Variants in INSYN2A observed in about 807,000 individuals in gnomAD.
INSYN2A encodes family with sequence similarity 196 member A.
INSYN2A carries 17 observed loss-of-function variants against 39.4 expected under a neutral mutation model. The ratio of observed to expected loss-of-function variants is 0.43; its 90% CI spans 0.30 to 0.65. The LOEUF (loss-of-function observed/expected upper bound fraction) is 0.65. INSYN2A is among the 30% of genes least tolerant of loss of function. The pLI, the probability that INSYN2A is intolerant of heterozygous loss-of-function variation, is 0.14. For synonymous variants in INSYN2A, 255 were observed against 265.7 expected (o/e 0.96, Z 0.39); for missense variants, 595 against 631.2 (o/e 0.94, Z 0.61).
chr10:127,153,755 A>G (rs2052742947), intron 5 of INSYN2A, 97 bp downstream of exon 5: 1 of 942,110 alleles, frequency 1.1e-6, no homozygotes, highest in Non-Finnish European at 1.7e-6. Context: ...GTCTGATAGA[A>G]TCATCCCAGC....
rs1352414371 is a variant in INSYN2A at position 127,177,154 on chromosome 10, TAAAAG to T, written c.-268-20_-268-16del. 6.6e-6 allele frequency: 1 copy of T among 151,332 alleles called. No homozygotes were observed. Among genetic ancestry groups the T allele is most frequent in the Non-Finnish European group, 1.5e-5 (1 of 67,818 alleles). The allele number at this position is 151,332 out of a possible 1,614,324, so 9.4% of individuals were successfully genotyped here. A position where few individuals can be genotyped will look rare whatever the true frequency, so the allele number is the denominator to read the frequency against. On this transcript the variant is annotated splice_polypyrimidine_tract_variant and intron_variant, in intron 2 of 5. Transcript: ENST00000522781. ...GGAAAATAATTCTTAAAAAAAAAAA[TAAAAG>T]AAATTACTCATTCTAGAATCAAGTT...
intron 4 of INSYN2A, among the ~76,000 whole-genome samples, chr10:127,169,674 G>A (rs906832949): frequency 1.3e-5 from 2 of 152,158 alleles, no homozygotes; most frequent in Non-Finnish European, 2.9e-5. Context: ...AAGACTGGCT[G>A]TCAATATGTA....
At chr10:127,144,818 A>G (rs2051638686) in intron 5 of INSYN2A, among the ~76,000 whole-genome samples, 1 of 152,180 alleles carries the variant, frequency 6.6e-6, no homozygotes, top group African/African-American at 2.4e-5. Flanking sequence ...TAGGTGCATT[A>G]ATCAATGTTT....
rs1467857887 is a variant in INSYN2A at position 127,175,619 on chromosome 10, A to G, written c.777T>C (p.Pro259=). 6.2e-7 allele frequency: 1 copy of G among 1,613,094 alleles called. No homozygotes were observed. The highest frequency in any genetic ancestry group is 8.5e-7 in the Non-Finnish European group (1 of 1,179,932). ...GCTCGGGGGCCCTGGCACTGAGGGCAGGTGCGTAAACGGTGGCAACCTCCG... is the reference window on the plus strand; with the variant it reads ...GCTCGGGGGCCCTGGCACTGAGGGCGGGTGCGTAAACGGTGGCAACCTCCG... ...FKTEVATVYA[P]ALSARAPEPG... Residue 259 remains proline (P), a synonymous_variant, in exon 4 of 6, where the codon CCT becomes CCC. Coordinates refer to ENST00000522781, the MANE Select transcript of INSYN2A (RefSeq NM_001039762.3). This position sits in a 1 kb window ranked among gnomAD's most constrained non-coding sequence, Gnocchi z 6.3.
chr10:127,161,845 A>G (rs936971964), intron 4 of INSYN2A, among the ~76,000 whole-genome samples: 5 of 152,240 alleles, frequency 3.3e-5, no homozygotes, highest in Non-Finnish European at 5.9e-5. Context: ...GGAATGATGA[A>G]TGAAGGAACA....
chr10:127,180,854 GA>G (rs1161281303), intron 2 of INSYN2A, among the ~76,000 whole-genome samples: 1 of 152,138 alleles, frequency 6.6e-6, no homozygotes, highest in Non-Finnish European at 1.5e-5. Context: ...GATTATACTG[GA>G]AAAAAATGAA....
chr10:127,154,862 G>T (rs2052884711), intron 4 of INSYN2A, among the ~76,000 whole-genome samples: 1 of 152,172 alleles, frequency 6.6e-6, no homozygotes, highest in Non-Finnish European at 1.5e-5. Context: ...TCTGGACCAG[G>T]CTGGAGTTGC....
rs765423722 is a variant in INSYN2A, at chr10:127,176,420, CA to C, written c.-5-21del. ...TGGTTCCTGCATTCAGAAACAGCAA[CA>C]GAGGTGTCAGTGGGACAGAAATACA... On this transcript the variant is annotated intron_variant, in intron 3 of 5. Transcript: ENST00000522781. The surrounding 1 kb of genome is among the most constrained non-coding windows in gnomAD (Gnocchi z 4.4). The C allele has an allele frequency of 2.6e-6, 4 of 1,568,498 alleles. No homozygotes were observed. Among genetic ancestry groups the C allele is most frequent in the Non-Finnish European group, 3.5e-6 (4 of 1,156,962 alleles).
At chr10:127,143,968 C>T (rs1183598075) in intron 5 of INSYN2A, among the ~76,000 whole-genome samples, 2 of 152,188 alleles carry the variant, frequency 1.3e-5, no homozygotes, top group Non-Finnish European at 2.9e-5. Flanking sequence ...AGCCCCCATT[C>T]ATCTCCCTGG....
rs1262089934 is a variant in INSYN2A at position 127,136,912 on chromosome 10, G to A, written c.*925C>T. 1.3e-5 allele frequency: 2 copies of A among 152,576 alleles called. No homozygotes were observed. The highest frequency in any genetic ancestry group is 6.5e-5 in the Admixed American group (1 of 15,272). 9.5% of individuals were successfully genotyped at this position (152,576 alleles called of 1,614,324 possible). ...ATGGCTAACAGTGTCTCGGAGGATC[G>A]ATCCACAAAAACACTGTCTGCCATG... On this transcript the variant is annotated 3_prime_UTR_variant, in exon 6 of 6. Coordinates refer to ENST00000522781, the MANE Select transcript of INSYN2A (RefSeq NM_001039762.3).
chr10:127,190,411 C>T (rs1001888472), intron 2 of INSYN2A, among the ~76,000 whole-genome samples: 5 of 152,124 alleles, frequency 3.3e-5, no homozygotes, highest in Admixed American at 6.6e-5. Context: ...ATCAGGATTC[C>T]CTGAGTTGGT....
chr10:127,182,669 T>G (rs1458189550), intron 2 of INSYN2A, among the ~76,000 whole-genome samples: 1 of 152,208 alleles, frequency 6.6e-6, no homozygotes, highest in Admixed American at 6.5e-5. Context: ...TTGCAGCAGT[T>G]AGCTATGCCA....
At chr10:127,195,267 C>G (rs905259341) in intron 1 of INSYN2A, among the ~76,000 whole-genome samples, 6 of 152,174 alleles carry the variant, frequency 3.9e-5, no homozygotes, top group Non-Finnish European at 8.8e-5. Context: ...CGCGGGCTCC[C>G]TCCTCCCTCC....
intron 5 of INSYN2A, among the ~76,000 whole-genome samples, chr10:127,143,910 C>A (rs1252815438): frequency 6.6e-6 from 1 of 152,144 alleles, no homozygotes; most frequent in Non-Finnish European, 1.5e-5. Context: ...TGTCCAGAAC[C>A]AGATCTTTCC....
chr10:127,195,494 C>A (rs2057049995), intron 1 of INSYN2A, among the ~76,000 whole-genome samples: 1 of 152,130 alleles, frequency 6.6e-6, no homozygotes, highest in Non-Finnish European at 1.5e-5. Context: ...CCTCAACGGC[C>A]GGCGTCAGGG....
At chr10:127,195,527 C>G (rs1017386255) in intron 1 of INSYN2A, among the ~76,000 whole-genome samples, 1 of 151,992 alleles carries the variant, frequency 6.6e-6, no homozygotes, top group African/African-American at 2.4e-5. Context: ...AACTCATCCC[C>G]CCCCCGAAGT....
At chr10:127,149,749 G>A (rs1283591363) in intron 5 of INSYN2A, among the ~76,000 whole-genome samples, 3 of 152,168 alleles carry the variant, frequency 2.0e-5, no homozygotes, top group African/African-American at 4.8e-5. Context: ...ATGGCCCCAC[G>A]TGTTCTCAAG....
chr10:127,141,309 G>A (rs2051218770), intron 5 of INSYN2A, among the ~76,000 whole-genome samples: 3 of 152,268 alleles, frequency 2.0e-5, no homozygotes, highest in African/African-American at 4.8e-5. Flanking sequence ...GATGCCATGC[G>A]GTCATCCTCT....
intron 1 of INSYN2A, among the ~76,000 whole-genome samples, chr10:127,193,631 CGTT>C (rs1351289063): frequency 3.9e-5 from 6 of 152,294 alleles, no homozygotes; most frequent in African/African-American, 1.2e-4. Flanking sequence ...CACTGCGATC[CGTT>C]GTTATTTCTG....
Sources: gnomAD v4.1 joint callset for allele counts (sites outside exome capture counted in the v4.1 genomes callset) on GRCh38, gnomAD v4.1.1 for gene constraint, Gnocchi (gnomAD v3.1) non-coding constraint, MANE v1.5 for transcripts, NCBI Gene and HGNC (gene_info 2026-07-23, HGNC 2026-07-21) for gene names.